ADCY3: variants seen among roughly 807,000 people sequenced by gnomAD.
ADCY3 encodes adenylate cyclase type 3.
A neutral mutation model predicts 119.4 loss-of-function variants in ADCY3; 70 were observed. That is an observed-to-expected ratio of 0.59 (90% confidence interval 0.48 to 0.72). The LOEUF (loss-of-function observed/expected upper bound fraction) is 0.72, where lower values mean the gene tolerates loss of function less well. Among genes scored for constraint, ADCY3 ranks in the 30% least tolerant of loss-of-function variants. The pLI, the probability that ADCY3 is intolerant of heterozygous loss-of-function variation, is 0.00. For synonymous variants in ADCY3, 672 were observed against 621.4 expected, an observed-to-expected ratio of 1.08 and a Z score of -1.21; for missense variants, 1,238 against 1,541.6, an observed-to-expected ratio of 0.80 and a Z score of 3.30.
At chr2:24,879,730 G>A (rs1156775146) in intron 2 of ADCY3, among the ~76,000 whole-genome samples, 1 of 152,134 alleles carries the variant, frequency 6.6e-6, no homozygotes, top group Admixed American at 6.5e-5. Flanking sequence ...TCCCAGCAGC[G>A]CTGAGACCGG....
In ADCY3 at chr2:24,827,854, G is replaced by C. The variant is rs576369380; in HGVS notation, c.2432+48C>G. 4.4e-6 allele frequency: 7 copies of C among 1,606,568 alleles called. No individual in the cohort carries two copies. The Admixed American group carries it at 1.2e-4, about 27-fold the overall frequency. Reference sequence around the variant, plus strand: ...ATGAGCTTGAACTGAGGACTTTGCGGGCGGGAGGAAGGAGACAATACAGAT... The same window carrying C: ...ATGAGCTTGAACTGAGGACTTTGCGCGCGGGAGGAAGGAGACAATACAGAT... On this transcript the variant is annotated intron_variant, in intron 14 of 21. Coordinates refer to ENST00000679454, the MANE Select transcript of ADCY3 (RefSeq NM_004036.5).
chr2:24,851,594 G>A (rs1209781899), intron 3 of ADCY3, among the ~76,000 whole-genome samples: 1 of 152,144 alleles, frequency 6.6e-6, no homozygotes, highest in Non-Finnish European at 1.5e-5. Context: ...TCCCACCCCA[G>A]TTCTCTCATC....
At chr2:24,822,117 T>C (rs1446286498) in intron 19 of ADCY3, 2 of 189,586 alleles carry the variant, frequency 1.1e-5, no homozygotes, top group Non-Finnish European at 2.2e-5. Flanking sequence ...ACACCTAATT[T>C]TCTCTCCTGG....
chr2:24,853,774 C>T (rs980277051), intron 3 of ADCY3, among the ~76,000 whole-genome samples: 6 of 152,166 alleles, frequency 3.9e-5, no homozygotes, highest in African/African-American at 1.4e-4. Flanking sequence ...GCATGAGCCA[C>T]CGTACCCGGC....
intron 15 of ADCY3, 91 bp from the exon 16 acceptor site, chr2:24,826,217 C>A: frequency 8.7e-7 from 1 of 1,142,908 alleles, no homozygotes; most frequent in Admixed American, 2.1e-5. Context: ...CTGCTTCCTG[C>A]CACCCCAGCC....
Position 24,842,303 on chromosome 2 carries a change from C to A in ADCY3, c.907G>T (p.Asp303Tyr). The change falls in exon 4 of 22, where the codon GAC becomes TAC. Residue 303 changes from aspartate to tyrosine, a missense_variant. By Grantham distance (160) the Asp-to-Tyr change is radical (BLOSUM62 -3). This residue lies in a region of ADCY3 where 283 missense variants were observed against 437.2 expected (regional missense o/e 0.65). Coordinates refer to ENST00000679454, the MANE Select transcript of ADCY3 (RefSeq NM_004036.5). The surrounding 1 kb of genome is among the most constrained non-coding windows in gnomAD (Gnocchi z 4.9). The stretch of plus-strand genomic sequence containing the variant: ...TACATGGTGTTGAACTGCTGCTGGT[C>A]CTTCTGGCTCTCGTCTTTCTTCATG... ...KDMKKDESQK[D>Y]QQQFNTMYMY... 6.2e-7 allele frequency: 1 copy of A among 1,614,164 alleles called. No individual in the cohort carries two copies. The highest frequency in any genetic ancestry group is 1.1e-5 in the South Asian group (1 of 91,082).
chr2:24,888,751 GTAA>G (rs1202235458), intron 2 of ADCY3, among the ~76,000 whole-genome samples: 4 of 152,232 alleles, frequency 2.6e-5, no homozygotes, highest in African/African-American at 9.6e-5. Context: ...GCTCAGGCCT[GTAA>G]TCCCAGTACT....
chr2:24,882,694 T>A (rs963931351), intron 2 of ADCY3, among the ~76,000 whole-genome samples: 1 of 152,164 alleles, frequency 6.6e-6, no homozygotes, highest in African/African-American at 2.4e-5. Flanking sequence ...CTCTGGTGAG[T>A]GGCGGACCCC....
chr2:24,874,587 C>T (rs1194480507), intron 2 of ADCY3, among the ~76,000 whole-genome samples: 3 of 152,200 alleles, frequency 2.0e-5, no homozygotes, highest in African/African-American at 4.8e-5. Context: ...GCCTCCTTCC[C>T]GGCTGGGCTT....
rs1273999712 is a variant in ADCY3 at position 24,872,500 on chromosome 2, T to C, written c.825+70A>G. 23 of 1,557,696 alleles carry C rather than the reference T, an allele frequency of 1.5e-5. No individual in the cohort carries two copies. Among genetic ancestry groups the C allele is most frequent in the Non-Finnish European group, 2.0e-5 (23 of 1,150,162 alleles). On this transcript the variant is annotated intron_variant, in intron 3 of 21. Transcript: ENST00000679454. The surrounding 1 kb of genome is among the most constrained non-coding windows in gnomAD (Gnocchi z 4.4). ...CGGAGCCAGGGGCTGCCGCTCTGGTTCCTCTCCCTCTGACAAGGCCACAGT... is the reference window on the plus strand; with the variant it reads ...CGGAGCCAGGGGCTGCCGCTCTGGTCCCTCTCCCTCTGACAAGGCCACAGT...
intron 2 of ADCY3, among the ~76,000 whole-genome samples, chr2:24,903,723 G>A (rs1387086833): frequency 6.6e-6 from 1 of 152,288 alleles, no homozygotes; most frequent in Admixed American, 6.5e-5. Flanking sequence ...GTAGGAGGGT[G>A]CGGGGGCACC....
intron 2 of ADCY3, among the ~76,000 whole-genome samples, chr2:24,901,293 G>A (rs1373554557): frequency 6.6e-6 from 1 of 152,160 alleles, no homozygotes. Flanking sequence ...AACTTTCGGA[G>A]TATTTTCCAA....
intron 2 of ADCY3, among the ~76,000 whole-genome samples, chr2:24,907,851 G>A (rs1392174823): frequency 4.0e-5 from 6 of 150,922 alleles, no homozygotes; most frequent in African/African-American, 1.2e-4. Context: ...AAAATTAGCC[G>A]GGTGTGGTGG....
intron 13 of ADCY3, among the ~76,000 whole-genome samples, chr2:24,829,621 A>T (rs960840715): frequency 2.7e-5 from 4 of 146,748 alleles, no homozygotes. Context: ...CGGGGTTTCA[A>T]CTGTGTTAGC....
intron 12 of ADCY3, among the ~76,000 whole-genome samples, 186 bp downstream of exon 12, chr2:24,831,476 G>A (rs1034530660): frequency 3.3e-5 from 5 of 152,250 alleles, no homozygotes; most frequent in Non-Finnish European, 7.3e-5. Flanking sequence ...ACAGCCTGGT[G>A]GCCCAGCCAG....
intron 9 of ADCY3, among the ~76,000 whole-genome samples, chr2:24,836,435 C>T (rs1385197428): frequency 6.6e-6 from 1 of 152,230 alleles, no homozygotes; most frequent in Non-Finnish European, 1.5e-5. Flanking sequence ...CGGTCAGGGA[C>T]CAGTTCTGGG....
chr2:24,876,747 T>C (rs1167877634), intron 2 of ADCY3, among the ~76,000 whole-genome samples: 4 of 152,058 alleles, frequency 2.6e-5, no homozygotes, highest in African/African-American at 9.7e-5. Flanking sequence ...TCATTACAGG[T>C]GAAGAACTGA....
chr2:24,831,873 C>G (rs1418643698), intron 11 of ADCY3, 124 bp from the exon 12 acceptor site: 1 of 310,694 alleles, frequency 3.2e-6, no homozygotes, highest in Non-Finnish European at 5.4e-6. Flanking sequence ...GGGCAGGGGA[C>G]AGTGGACAGG....
Position 24,828,146 on chromosome 2 carries a change from A to T in ADCY3, c.2188T>A (p.Tyr730Asn), listed in dbSNP as rs1463966158. 1 of 1,613,814 alleles carries T rather than the reference A, an allele frequency of 6.2e-7. No homozygotes were observed. Among genetic ancestry groups the T allele is most frequent in the South Asian group, 1.1e-5 (1 of 91,068 alleles). ...NVVDMLSCLQ[Y>N]YTGPSNATAG... ...GTTGCATTGCTGGGTCCCGTGTAGT[A>T]CTGGAGACAGCTGAGCTGGAGGCCA... The change falls in exon 14 of 22, where the codon TAC becomes AAC. Residue 730 changes from tyrosine to asparagine, a missense_variant. Coordinates refer to ENST00000679454, the MANE Select transcript of ADCY3 (RefSeq NM_004036.5).
Sources: allele counts gnomAD v4.1 joint callset (sites outside exome capture counted in the v4.1 genomes callset), GRCh38; gene constraint gnomAD v4.1.1; regional missense constraint gnomAD v4.1.1; non-coding constraint Gnocchi (gnomAD v3.1); transcripts MANE v1.5; gene names NCBI Gene and HGNC (gene_info 2026-07-23, HGNC 2026-07-21).